Variants in DOK7 observed in about 807,000 individuals in gnomAD.
The protein encoded by DOK7 is protein Dok-7.
In DOK7, 32 loss-of-function variants were observed where a neutral mutation model predicts 30.7. The observed-to-expected ratio is 1.04, with a 90% CI of 0.79 to 1.40. The LOEUF is 1.40. Ranked by LOEUF, DOK7 falls within the 40% of genes most tolerant of loss-of-function variation. DOK7 has a pLI of 0.00. For synonymous variants in DOK7, 447 were observed against 324.1 expected (o/e 1.38, Z -4.07); for missense variants, 1,007 against 699.2 (o/e 1.44, Z -4.97).
chr4:3,495,344 G>A (rs1194994397), downstream of DOK7, among the ~76,000 whole-genome samples: 3 of 152,182 alleles, frequency 2.0e-5, no homozygotes, highest in Admixed American at 2.0e-4. Flanking sequence ...TCCACGCTCA[G>A]CCCTCTGTGT....
intron 4 of DOK7, among the ~76,000 whole-genome samples, chr4:3,482,609 G>A (rs60963788): frequency 6.6e-6 from 1 of 152,286 alleles, no homozygotes; most frequent in African/African-American, 2.4e-5. Flanking sequence ...TCTGAGGGCA[G>A]GGATAGGGGA....
intron 3 of DOK7, among the ~76,000 whole-genome samples, chr4:3,475,002 C>T (rs527974314): frequency 6.6e-6 from 1 of 152,300 alleles, no homozygotes; most frequent in African/African-American, 2.4e-5. Flanking sequence ...ATATCCTGGC[C>T]CTTGATGGCT....
chr4:3,468,498 ATGTGCGTG>A (rs923311637), intron 2 of DOK7, among the ~76,000 whole-genome samples: 2 of 112,014 alleles, frequency 1.8e-5, no homozygotes, highest in African/African-American at 3.8e-5. Context: ...ATGAGTGTGC[ATGTGCGTG>A]TGTGCGTGTA....
intron 4 of DOK7, 39 bp from the exon 5 acceptor site, chr4:3,485,500 C>T (rs773596705): frequency 1.2e-5 from 18 of 1,499,328 alleles, no homozygotes; most frequent in Non-Finnish European, 1.5e-5. Context: ...CCAGCCCGCC[C>T]TCGGGCCAGA....
At position 3,476,421 on chromosome 4, in the gene DOK7, C is replaced by T. The variant is rs778735205; in HGVS notation, c.411C>T (p.Val137=). ...CTACCCTGCACCTCTGCAATGATGT[C>T]CTCGTCTTGGCCAGGGACATCCCCC... The part of the protein sequence containing the change: ...GPATLHLCND[V]LVLARDIPPA... Residue 137 remains valine, a synonymous_variant, in exon 4 of 7, where the codon GTC becomes GTT. Transcript: ENST00000340083. 3.1e-6 allele frequency: 5 copies of T among 1,613,498 alleles called. No homozygotes were observed. Among genetic ancestry groups the T allele is most frequent in the Middle Eastern group, 1.6e-4 (1 of 6,062 alleles).
chr4:3,477,447 C>T (rs1039260461), intron 4 of DOK7, among the ~76,000 whole-genome samples: 8 of 152,258 alleles, frequency 5.3e-5, no homozygotes, highest in Non-Finnish European at 1.2e-4. Context: ...ACGGGCCACA[C>T]TGGCCGCCTG....
rs189042934 is a variant in DOK7, at chr4:3,500,608, G to C, written c.1262-84G>C. 296 of 1,530,912 alleles carry C rather than the reference G, an allele frequency of 1.9e-4. 1 individual carries two copies. The African/African-American group carries it at 3.3e-3, about 17-fold the overall frequency. The allele number at this position is 1,530,912 out of a possible 1,614,324, so 94.8% of individuals were successfully genotyped here. ...CCCACTCAGATGCTTCCGAGGGCCT[G>C]GCTGGGGGACTGGTGTGGAGGGCAG... On this transcript the variant is annotated intron_variant, in intron 7 of 7. Transcript: ENST00000643608.
Position 3,500,190 on chromosome 4 carries a change from A to G in DOK7, c.1109-61A>G, listed in dbSNP as rs1347060086. The G allele has an allele frequency of 9.9e-6, 15 of 1,516,562 alleles. No individual in the cohort carries two copies. The South Asian group carries it at 1.5e-4, about 15-fold the overall frequency. The allele number at this position is 1,516,562 out of a possible 1,614,324, so 93.9% of individuals were successfully genotyped here. A position where few individuals can be genotyped will look rare whatever the true frequency, so the allele number is the denominator to read the frequency against. On this transcript the variant is annotated intron_variant, in intron 6 of 7. Coordinates refer to the DOK7 transcript ENST00000643608. The stretch of plus-strand genomic sequence containing the variant: ...AGGGTGGGCAGCTCTTTACTGCACA[A>G]TCTTTGAGATCTGTGCCCCTCTCGG...
intron 5 of DOK7, among the ~76,000 whole-genome samples, chr4:3,487,526 G>A (rs73195132): frequency 6.6e-6 from 1 of 152,342 alleles, no homozygotes; most frequent in Non-Finnish European, 1.5e-5. Context: ...AGTCCCAGAG[G>A]CAGCCAGACC....
Position 3,493,020 on chromosome 4 carries a change from ACTC to A in DOK7, c.1038_1040del (p.Ser347del). 6.4e-7 allele frequency: 1 copy of A among 1,567,558 alleles called. No individual in the cohort carries two copies. Among genetic ancestry groups the A allele is most frequent in the African/African-American group, 1.3e-5 (1 of 74,328 alleles). ...GACAGCGGCATCGCCACTGGCAGCCACTCCTCTTACTCCAGCAGCCTCTCGTCC... is the reference window on the plus strand; with the variant it reads ...GACAGCGGCATCGCCACTGGCAGCCACTCTTACTCCAGCAGCCTCTCGTCC... On this transcript the variant is annotated inframe_deletion, in exon 7 of 7. Transcript: ENST00000340083.
At chr4:3,469,956 T>A (rs1726662067) in intron 2 of DOK7, among the ~76,000 whole-genome samples, 1 of 152,064 alleles carries the variant, frequency 6.6e-6, no homozygotes, top group South Asian at 2.1e-4. Flanking sequence ...GAAAATGAAA[T>A]CGGTGGTTTG....
Position 3,485,613 on chromosome 4 carries a change from A to C in DOK7, c.607A>C (p.Ile203Leu). The change falls in exon 5 of 7, where the codon ATC becomes CTC. Residue 203 changes from isoleucine (I) to leucine (L), a missense_variant. By Grantham distance (5) the Ile-to-Leu change is conservative. Coordinates refer to ENST00000340083, the MANE Select transcript of DOK7 (RefSeq NM_173660.5). ...SFLFDCIVRG[I>L]SPTKGPFGLR... ...CCTGTTCGACTGCATCGTCCGAGGC[A>C]TCTCCCCCACCAAGGGCCCCTTTGG... 1.2e-6 allele frequency: 2 copies of C among 1,607,556 alleles called. No homozygotes were observed. The highest frequency in any genetic ancestry group is 8.5e-7 in the Non-Finnish European group (1 of 1,176,892).
At chr4:3,499,276 G>C (rs1166450299), downstream of DOK7, among the ~76,000 whole-genome samples, 1 of 152,198 alleles carries the variant, frequency 6.6e-6, no homozygotes, top group Non-Finnish European at 1.5e-5. Context: ...CTCGGAGTGT[G>C]CTGGGGGTGG....
rs1728035776 is a variant in DOK7, at chr4:3,489,556, CT to C, written c.653-120del. On this transcript the variant is annotated intron_variant, in intron 5 of 6. Coordinates refer to ENST00000340083, the MANE Select transcript of DOK7 (RefSeq NM_173660.5). Reference sequence around the variant, plus strand: ...GATGAGGCATCGGGAGGAGCGGGGACTCCCAGGGGACTGCCACTCCACAGAG... The same window carrying C: ...GATGAGGCATCGGGAGGAGCGGGGACCCCAGGGGACTGCCACTCCACAGAG... The C allele has an allele frequency of 1.3e-5, 20 of 1,486,080 alleles. No individual in the cohort carries two copies. The South Asian group carries it at 1.8e-4, about 14-fold the overall frequency. The allele number at this position is 1,486,080 out of a possible 1,614,324, so 92.1% of individuals were successfully genotyped here. A position where few individuals can be genotyped will look rare whatever the true frequency, so the allele number is the denominator to read the frequency against.
Position 3,476,457 on chromosome 4 carries a change from G to A in DOK7, c.447G>A (p.Thr149=), listed in dbSNP as rs1315580280. The A allele has an allele frequency of 3.1e-6, 5 of 1,613,762 alleles. No individual in the cohort carries two copies. The highest frequency in any genetic ancestry group is 3.3e-5 in the Admixed American group (2 of 60,018). ...CCAGGGACATCCCCCCGGCTGTCACGGGGCAGTGGAAGCTGTCTGACCTCC... is the reference window on the plus strand; with the variant it reads ...CCAGGGACATCCCCCCGGCTGTCACAGGGCAGTGGAAGCTGTCTGACCTCC... The part of the protein sequence containing the change: ...VLARDIPPAV[T]GQWKLSDLRR... Residue 149 remains threonine, a synonymous_variant, in exon 4 of 7, where the codon ACG becomes ACA. Coordinates refer to ENST00000340083, the MANE Select transcript of DOK7 (RefSeq NM_173660.5).
intron 7 of DOK7, chr4:3,500,472 C>G (rs1475597041): frequency 1.4e-5 from 21 of 1,516,982 alleles, no homozygotes; most frequent in Non-Finnish European, 1.8e-5. Flanking sequence ...GGCCCTGAGC[C>G]CCCAGCCCCA....
intron 6 of DOK7, among the ~76,000 whole-genome samples, chr4:3,491,538 T>G (rs1469258905): frequency 6.0e-5 from 1 of 16,598 alleles, no homozygotes; most frequent in Non-Finnish European, 1.4e-4. Context: ...CATTTCTTCC[T>G]TCTCCCACCT....
At chr4:3,483,166 GACGGCAGCCTCCTGA>G in intron 4 of DOK7, among the ~76,000 whole-genome samples, 1 of 21,346 alleles carries the variant, frequency 4.7e-5, no homozygotes, top group African/African-American at 2.3e-4. Flanking sequence ...GGAGGGTGGG[GACGGCAGCCTCCTGA>G]GTGGAGATGT....
At chr4:3,486,028 G>A (rs552962309) in intron 5 of DOK7, among the ~76,000 whole-genome samples, 42 of 152,352 alleles carry the variant, frequency 2.8e-4, no homozygotes, top group African/African-American at 9.1e-4. Flanking sequence ...GGCCTTGCCC[G>A]AGCTCGGTGG....
Sources: allele counts gnomAD v4.1 joint callset (sites outside exome capture counted in the v4.1 genomes callset), GRCh38; gene constraint gnomAD v4.1.1; transcripts MANE v1.5; gene names NCBI Gene and HGNC (gene_info 2026-07-23, HGNC 2026-07-21).